KCTD10: variants seen among roughly 807,000 people sequenced by gnomAD.
KCTD10 encodes the protein BTB/POZ domain-containing adapter for CUL3-mediated RhoA degradation protein 3.
In KCTD10, 13 loss-of-function variants were observed where a neutral mutation model predicts 34.6. The ratio of observed to expected loss-of-function variants is 0.38; its 90% CI spans 0.24 to 0.60. The LOEUF (loss-of-function observed/expected upper bound fraction) is 0.60. KCTD10 is among the 20% of genes least tolerant of loss of function. KCTD10 has a pLI of 0.66. For synonymous variants in KCTD10, 156 were observed against 168.8 expected (o/e 0.92, Z 0.59); for missense variants, 256 against 420.3 (o/e 0.61, Z 3.42).
rs778556011 is a variant in KCTD10, at chr12:109,460,734, G to A, written c.289C>T (p.Pro97Ser). 2 of 1,614,156 alleles carry A rather than the reference G, an allele frequency of 1.2e-6. No homozygotes were observed. Among genetic ancestry groups the A allele is most frequent in the South Asian group, 2.2e-5 (2 of 91,070 alleles). Residue 97 changes from proline to serine, a missense_variant, in exon 3 of 7, where the codon CCT becomes TCT. Pro to Ser is a moderately conservative substitution (Grantham distance 74, BLOSUM62 -1). This residue lies in a region of KCTD10 where 155 missense variants were observed against 207.0 expected (regional missense o/e 0.75). Transcript: ENST00000228495. The surrounding 1 kb of genome is among the most constrained non-coding windows in gnomAD (Gnocchi z 4.5). ...ATCTCCCGGCGGCTCTCGGGTAAAG[G>A]CACCGCCCCGTCTCGAAGGTAGTTG... ...ILNYLRDGAVPLPESRREIEE... is the reference protein window; with the variant it reads ...ILNYLRDGAVSLPESRREIEE...
chr12:109,469,351 C>G, intron 2 of KCTD10, 164 bp downstream of exon 2: 1 of 774,036 alleles, frequency 1.3e-6, no homozygotes, highest in Non-Finnish European at 2.0e-6. Flanking sequence ...GTGACTTTCT[C>G]AAAGTAACAT....
At chr12:109,469,326 G>A (rs1336538847) in intron 2 of KCTD10, 189 bp downstream of exon 2, 2 of 641,848 alleles carry the variant, frequency 3.1e-6, no homozygotes, top group African/African-American at 3.7e-5. Context: ...AGCAAGCTAA[G>A]CCCTGGGTGA....
intron 3 of KCTD10, among the ~76,000 whole-genome samples, chr12:109,459,868 T>C (rs756699915): frequency 2.0e-5 from 3 of 152,232 alleles, no homozygotes; most frequent in Non-Finnish European, 4.4e-5. Context: ...TGTTTTGATG[T>C]TAACCTTGCA....
At chr12:109,471,901 TAA>T (rs1310829860) in intron 1 of KCTD10, among the ~76,000 whole-genome samples, 1 of 152,194 alleles carries the variant, frequency 6.6e-6, no homozygotes, top group African/African-American at 2.4e-5. Context: ...ATACTTCATG[TAA>T]AGTCAAAGCA....
chr12:109,463,322 G>C (rs1395390132), intron 2 of KCTD10, among the ~76,000 whole-genome samples: 1 of 152,314 alleles, frequency 6.6e-6, no homozygotes, highest in East Asian at 1.9e-4. Context: ...GGAAATGCTT[G>C]TGGCGAAAGA....
chr12:109,475,876 G>A (rs1362037530), intron 1 of KCTD10, among the ~76,000 whole-genome samples: 3 of 99,962 alleles, frequency 3.0e-5, no homozygotes, highest in African/African-American at 1.6e-4. Context: ...GACAGCTACC[G>A]CCAATTGCAA....
intron 3 of KCTD10, 144 bp from the exon 4 acceptor site, chr12:109,458,222 G>T: frequency 1.6e-6 from 1 of 630,896 alleles, no homozygotes; most frequent in Non-Finnish European, 2.8e-6. Context: ...CAGTGAACTA[G>T]ATGGGGGAAG....
At chr12:109,462,007 CT>C (rs1873355234) in intron 2 of KCTD10, among the ~76,000 whole-genome samples, 1 of 152,178 alleles carries the variant, frequency 6.6e-6, no homozygotes. Context: ...ATGCTGTGCC[CT>C]GTTCCACGTC....
rs141538699 is a variant in KCTD10 at position 109,457,507 on chromosome 12, A to C, written c.527+123T>G. The C allele has an allele frequency of 2.1e-4, 165 of 772,370 alleles. No homozygotes were observed. In the African/African-American group the frequency reaches 2.5e-3, roughly 12 times the overall value. The allele number at this position is 772,370 out of a possible 1,614,324, so 47.8% of individuals were successfully genotyped here. ...CCTGTATCCATCTGTCTACTTATCT[A>C]TCCAGGCAGAGAGGTACAGAGGGGT... is the stretch of plus-strand genomic sequence containing the variant. On this transcript the variant is annotated intron_variant, in intron 5 of 6. Coordinates refer to ENST00000228495, the MANE Select transcript of KCTD10 (RefSeq NM_031954.5).
intron 2 of KCTD10, among the ~76,000 whole-genome samples, chr12:109,468,875 A>T (rs1490261094): frequency 6.6e-6 from 1 of 151,830 alleles, no homozygotes; most frequent in African/African-American, 2.4e-5. Context: ...GATGGTCTCG[A>T]TCTCCTGACC....
At position 109,460,448 on chromosome 12, in the gene KCTD10, CCTG is replaced by C. The variant is rs1223121095; in HGVS notation, c.387+185_387+187del. The stretch of plus-strand genomic sequence containing the variant: ...AAGGAGTGACACAGTAGTTAGGTGG[CCTG>C]CTGTTCCAGGGAGGCCTCTCAGGGG... On this transcript the variant is annotated intron_variant, in intron 3 of 6. Transcript: ENST00000228495. The surrounding 1 kb of genome is among the most constrained non-coding windows in gnomAD (Gnocchi z 4.5). 8.4e-6 allele frequency: 5 copies of C among 594,564 alleles called. No homozygotes were observed. Among genetic ancestry groups the C allele is most frequent in the Non-Finnish European group, 1.5e-5 (5 of 335,850 alleles). 36.8% of individuals were successfully genotyped at this position (594,564 alleles called of 1,614,324 possible). A position where few individuals can be genotyped will look rare whatever the true frequency, so the allele number is the denominator to read the frequency against.
chr12:109,458,109 G>A (rs764228628), intron 3 of KCTD10, 31 bp from the exon 4 acceptor site: 1 of 1,577,912 alleles, frequency 6.3e-7, no homozygotes, highest in Non-Finnish European at 8.7e-7. Context: ...TTCAGCCTAG[G>A]AGGCCTGCCT....
intron 6 of KCTD10, among the ~76,000 whole-genome samples, chr12:109,454,204 C>A (rs946258997): frequency 1.6e-4 from 25 of 152,326 alleles, no homozygotes; most frequent in African/African-American, 5.3e-4. Context: ...GCCAAGGTGA[C>A]ACAAGGTTTT....
chr12:109,457,391 T>C, intron 5 of KCTD10: 1 of 425,338 alleles, frequency 2.4e-6, no homozygotes, highest in Non-Finnish European at 4.2e-6. Context: ...TGTGAATATA[T>C]AAAAACCACA....
intron 3 of KCTD10, chr12:109,458,904 A>C (rs1465804057): frequency 6.6e-6 from 1 of 152,300 alleles, no homozygotes; most frequent in Non-Finnish European, 1.5e-5. Context: ...CCCACAATGC[A>C]GCCCAGTGGA....
At chr12:109,465,259 A>T (rs1344864105) in intron 2 of KCTD10, among the ~76,000 whole-genome samples, 2 of 152,240 alleles carry the variant, frequency 1.3e-5, no homozygotes, top group Non-Finnish European at 2.9e-5. Flanking sequence ...AACGAGAGCT[A>T]TTTAGTTGTG....
chr12:109,457,508 T>TCCAGGCATAGAGGTACAG, intron 5 of KCTD10, 122 bp downstream of exon 5: 1 of 777,208 alleles, frequency 1.3e-6, no homozygotes, highest in Non-Finnish European at 2.3e-6. Flanking sequence ...TACTTATCTA[T>TCCAGGCATAGAGGTACAG]CCAGGCAGAG....
At chr12:109,457,608 T>A (rs1477110520) in intron 5 of KCTD10, 22 bp downstream of exon 5, 2 of 1,612,512 alleles carry the variant, frequency 1.2e-6, no homozygotes, top group Non-Finnish European at 1.7e-6. Context: ...AATGGAGCTG[T>A]CTTTCCCGGC....
At chr12:109,461,382 G>A (rs1199947818) in intron 2 of KCTD10, among the ~76,000 whole-genome samples, 1 of 152,200 alleles carries the variant, frequency 6.6e-6, no homozygotes, top group Non-Finnish European at 1.5e-5. Context: ...CAAGCACTTA[G>A]TGGCTAGTGA....
Sources: allele counts gnomAD v4.1 joint callset (sites outside exome capture counted in the v4.1 genomes callset), GRCh38; gene constraint gnomAD v4.1.1; regional missense constraint gnomAD v4.1.1; non-coding constraint Gnocchi (gnomAD v3.1); transcripts MANE v1.5; gene names NCBI Gene and HGNC (gene_info 2026-07-23, HGNC 2026-07-21).